DPP3: variants seen among roughly 807,000 people sequenced by gnomAD.
DPP3 encodes the protein DPP III.
DPP3 carries 64 observed loss-of-function variants against 89.8 expected under a neutral mutation model. The observed-to-expected ratio is 0.71, with a 90% CI of 0.58 to 0.88. The LOEUF (loss-of-function observed/expected upper bound fraction) is 0.88. Ranked by LOEUF, DPP3 falls within the 40% of genes least tolerant of loss-of-function variation. The pLI, the probability that DPP3 is intolerant of heterozygous loss-of-function variation, is 0.00. For missense variants in DPP3, 835 were observed against 972.5 expected (o/e 0.86, Z 1.88); for synonymous variants, 377 against 404.3 (o/e 0.93, Z 0.81).
chr11:66,483,624 T>C (rs1258423112), intron 2 of DPP3, among the ~76,000 whole-genome samples: 1 of 152,206 alleles, frequency 6.6e-6, no homozygotes, highest in African/African-American at 2.4e-5. Flanking sequence ...AACAGTGCCA[T>C]GGTGAGCATA....
At chr11:66,494,763 T>C (rs1855486585) in intron 12 of DPP3, among the ~76,000 whole-genome samples, 1 of 152,198 alleles carries the variant, frequency 6.6e-6, no homozygotes, top group Non-Finnish European at 1.5e-5. Flanking sequence ...CAAAGGATGC[T>C]GCATGAAAGA....
chr11:66,509,657 A>C lies in DPP3; in HGVS notation c.*406A>C. 1 of 455,874 alleles carries C rather than the reference A, an allele frequency of 2.2e-6. No individual in the cohort carries two copies. The highest frequency in any genetic ancestry group is 4.2e-6 in the Non-Finnish European group (1 of 240,962). The allele number at this position is 455,874 out of a possible 1,614,324, so 28.2% of individuals were successfully genotyped here. A position where few individuals can be genotyped will look rare whatever the true frequency, so the allele number is the denominator to read the frequency against. On this transcript the variant is annotated 3_prime_UTR_variant, in exon 18 of 18. Transcript: ENST00000531863. ...CAAATAAATATTAGAGACAACCACC[A>C]TCTTTGCGGCGTGTGTGGCTCCTCC... is the stretch of plus-strand genomic sequence containing the variant.
rs1400853740 is a variant in DPP3 at position 66,488,364 on chromosome 11, C to T, written c.667+357C>T. 3.9e-5 allele frequency among the ~76,000 whole-genome samples: 6 copies of T among 152,150 alleles called. No individual in the cohort carries two copies. In the East Asian group the frequency reaches 9.6e-4, roughly 24 times the overall value. Reference sequence around the variant, plus strand: ...ATCACCTAAGGTCAGGAGTTCGAGACCAGCCTGGCCAACATGGTGAAACCC... The same window carrying T: ...ATCACCTAAGGTCAGGAGTTCGAGATCAGCCTGGCCAACATGGTGAAACCC... On this transcript the variant is annotated intron_variant, in intron 6 of 17. Transcript: ENST00000531863.
At chr11:66,507,264 G>A (rs1307275763) in intron 17 of DPP3, among the ~76,000 whole-genome samples, 1 of 151,946 alleles carries the variant, frequency 6.6e-6, no homozygotes, top group Non-Finnish European at 1.5e-5. Context: ...TCAGGAGATC[G>A]AGACCGTCCT....
chr11:66,495,042 C>A (rs1855493315), intron 12 of DPP3, among the ~76,000 whole-genome samples, 164 bp from the exon 13 acceptor site: 1 of 152,200 alleles, frequency 6.6e-6, no homozygotes, highest in African/African-American at 2.4e-5. Context: ...TCACAGGGCT[C>A]AGGGCTGTGC....
intron 11 of DPP3, 84 bp from the exon 12 acceptor site, chr11:66,493,457 C>A: frequency 2.1e-6 from 3 of 1,406,146 alleles, no homozygotes; most frequent in Non-Finnish European, 2.0e-6. Flanking sequence ...TGAGATGGGT[C>A]CATGGCCCAG....
intron 17 of DPP3, among the ~76,000 whole-genome samples, chr11:66,508,639 C>T (rs565341768): frequency 6.6e-6 from 1 of 152,208 alleles, no homozygotes; most frequent in Non-Finnish European, 1.5e-5. Flanking sequence ...TCTCCAGCCT[C>T]AGCCTCCCGA....
At chr11:66,500,344 A>T (rs1295748390) in intron 16 of DPP3, among the ~76,000 whole-genome samples, 1 of 152,166 alleles carries the variant, frequency 6.6e-6, no homozygotes, top group Non-Finnish European at 1.5e-5. Flanking sequence ...ATACAGCAAG[A>T]CTCCATTTCA....
chr11:66,484,014 T>C (rs954934668), intron 2 of DPP3, among the ~76,000 whole-genome samples: 10 of 151,910 alleles, frequency 6.6e-5, no homozygotes, highest in Non-Finnish European at 5.9e-5. Context: ...AGTCTCGCTC[T>C]GTCACCAGGC....
intron 16 of DPP3, among the ~76,000 whole-genome samples, chr11:66,501,622 C>T (rs1472497722): frequency 2.0e-5 from 3 of 149,692 alleles, no homozygotes; most frequent in East Asian, 2.0e-4. Flanking sequence ...GTCAGGAGTT[C>T]GAGACCAGCC....
In DPP3 at chr11:66,495,216, GA is replaced by G. The variant is rs1195884465; in HGVS notation, c.1401del (p.Ala468HisfsTer9). 1.2e-6 allele frequency: 2 copies of G among 1,612,424 alleles called. No homozygotes were observed. Among genetic ancestry groups the G allele is most frequent in the South Asian group, 2.2e-5 (2 of 91,004 alleles). ...SGKLFVQDEK[G>X]AFNFDQETVI... ...CCGTGTGTTCTGCAGGACGAAAAAG[GA>G]GCATTCAACTTTGACCAGGAAACAG... On this transcript the variant is annotated frameshift_variant, in exon 13 of 18. Transcript: ENST00000531863. LOFTEE classifies it high-confidence loss of function.
chr11:66,503,611 G>A (rs1855731227), intron 16 of DPP3, among the ~76,000 whole-genome samples: 1 of 152,152 alleles, frequency 6.6e-6, no homozygotes, highest in Non-Finnish European at 1.5e-5. Context: ...AATTGGCCAG[G>A]CATGGTGGCT....
chr11:66,509,001 G>A, intron 17 of DPP3, 78 bp from the exon 18 acceptor site: 1 of 1,542,732 alleles, frequency 6.5e-7, no homozygotes, highest in Non-Finnish European at 8.8e-7. Context: ...CTGTAATTGT[G>A]ATTATTAAGA....
chr11:66,492,620 C>G, intron 9 of DPP3, 96 bp from the exon 10 acceptor site: 1 of 1,400,040 alleles, frequency 7.1e-7, no homozygotes, highest in Non-Finnish European at 9.7e-7. Flanking sequence ...TGACTGCATA[C>G]AGTAGGCATT....
intron 3 of DPP3, 129 bp downstream of exon 3, chr11:66,485,391 C>A (rs2134720060): frequency 2.3e-6 from 2 of 869,710 alleles, no homozygotes; most frequent in East Asian, 5.3e-5. Flanking sequence ...GTCGCTTCCA[C>A]CCTGCATGAC....
chr11:66,503,192 C>T (rs1209714871), intron 16 of DPP3, among the ~76,000 whole-genome samples: 1 of 151,046 alleles, frequency 6.6e-6, no homozygotes, highest in Non-Finnish European at 1.5e-5. Flanking sequence ...GTCTTGAACT[C>T]CTGACCTCAG....
intron 9 of DPP3, among the ~76,000 whole-genome samples, chr11:66,491,969 G>A (rs1360713603): frequency 1.3e-5 from 2 of 152,212 alleles, no homozygotes; most frequent in African/African-American, 4.8e-5. Context: ...ATCCCATGAG[G>A]ATATTTATCT....
rs1855453011 is a variant in DPP3 at position 66,493,521 on chromosome 11, G to T, written c.1297-20G>T. On this transcript the variant is annotated intron_variant, in intron 11 of 17. Transcript: ENST00000531863. ...CAGGGCTGGCCAGTGGACAGCGCGG[G>T]TCTCTGCTTGTCTTGGCAGGACCTG... 6.2e-7 allele frequency: 1 copy of T among 1,611,734 alleles called. No individual in the cohort carries two copies. The highest frequency in any genetic ancestry group is 8.5e-7 in the Non-Finnish European group (1 of 1,179,458).
intron 9 of DPP3, chr11:66,492,457 G>A (rs1462925311): frequency 4.6e-6 from 2 of 438,902 alleles, no homozygotes; most frequent in East Asian, 3.8e-5. Context: ...CACCTGTTGG[G>A]GCTCAGGGAT....
Sources: allele counts gnomAD v4.1 joint callset (sites outside exome capture counted in the v4.1 genomes callset), GRCh38; gene constraint gnomAD v4.1.1; transcripts MANE v1.5; gene names NCBI Gene and HGNC (gene_info 2026-07-23, HGNC 2026-07-21).